Variants in PACRG observed in about 807,000 individuals in gnomAD.
PACRG encodes the protein parkin coregulated, also known as parkin coregulated gene protein.
Under a neutral mutation model 29.7 loss-of-function variants are expected in PACRG, and 29 were observed. That is an observed-to-expected ratio of 0.98 (90% CI 0.73 to 1.33). The LOEUF (loss-of-function observed/expected upper bound fraction) is 1.33. Ranked by LOEUF, PACRG falls within the 40% of genes most tolerant of loss-of-function variation. The pLI is 0.00. For synonymous variants in PACRG, 116 were observed against 118.7 expected (o/e 0.98, Z 0.15); for missense variants, 279 against 316.2 (o/e 0.88, Z 0.89).
intron 4 of PACRG, among the ~76,000 whole-genome samples, chr6:163,225,086 A>G (rs1781734722): frequency 6.6e-6 from 1 of 152,238 alleles, no homozygotes; most frequent in South Asian, 2.1e-4. Context: ...AAACAGGTAC[A>G]TGAAAAAATG....
At position 163,055,363 on chromosome 6, in the gene PACRG, C is replaced by T. The variant is rs540677423; in HGVS notation, c.292-6787C>T. Among the ~76,000 whole-genome samples the T allele has an allele frequency of 6.9e-4, 105 of 151,944 alleles. No homozygotes were observed. The South Asian group carries it at 9.6e-3, about 14-fold the overall frequency. ...ACATGCACACACACACGCACACACA[C>T]GCACACATATACACACATGCACTCA... On this transcript the variant is annotated intron_variant, in intron 2 of 4. Coordinates refer to ENST00000366888, the MANE Select transcript of PACRG (RefSeq NM_001080379.2). This position sits in a 1 kb window ranked among gnomAD's most constrained non-coding sequence, Gnocchi z 4.0.
chr6:162,880,782 A>G (rs1793767638), intron 2 of PACRG, among the ~76,000 whole-genome samples: 1 of 152,214 alleles, frequency 6.6e-6, no homozygotes, highest in Non-Finnish European at 1.5e-5. Context: ...ACCTGAAATC[A>G]TCTTCCGAGA....
chr6:162,976,346 C>A (rs1255475124), intron 2 of PACRG, among the ~76,000 whole-genome samples: 1 of 152,086 alleles, frequency 6.6e-6, no homozygotes, highest in Non-Finnish European at 1.5e-5. Context: ...AACAGTCTAG[C>A]CATTATGAGG....
At chr6:163,052,190 A>T (rs923333269) in intron 2 of PACRG, among the ~76,000 whole-genome samples, 3 of 152,136 alleles carry the variant, frequency 2.0e-5, no homozygotes, top group African/African-American at 7.2e-5. Flanking sequence ...TCTTGTAATA[A>T]CTCAATAGCT....
At chr6:163,000,940 C>A (rs760320587) in intron 2 of PACRG, among the ~76,000 whole-genome samples, 6 of 152,192 alleles carry the variant, frequency 3.9e-5, no homozygotes, top group Non-Finnish European at 7.4e-5. Flanking sequence ...CTTAGCCCAG[C>A]CTCAGATAGC....
chr6:163,279,921 A>G (rs1329639206), intron 4 of PACRG, among the ~76,000 whole-genome samples: 2 of 152,158 alleles, frequency 1.3e-5, no homozygotes, highest in African/African-American at 4.8e-5. Context: ...AAATCAACCT[A>G]GCAGGGCATC....
chr6:163,137,520 C>T (rs1816981857), intron 4 of PACRG, among the ~76,000 whole-genome samples: 1 of 152,250 alleles, frequency 6.6e-6, no homozygotes, highest in South Asian at 2.1e-4. Flanking sequence ...ATTTCCCAAG[C>T]GACAAGAACA....
chr6:163,169,968 G>A (rs763327933), intron 4 of PACRG, among the ~76,000 whole-genome samples: 19 of 152,258 alleles, frequency 1.2e-4, no homozygotes, highest in Non-Finnish European at 2.1e-4. Flanking sequence ...TCGTCCCTCC[G>A]TCTGTGTGTT....
At chr6:162,850,364 A>C (rs192785698) in intron 2 of PACRG, among the ~76,000 whole-genome samples, 1 of 152,342 alleles carries the variant, frequency 6.6e-6, no homozygotes, top group African/African-American at 2.4e-5. Context: ...TAAAATCCTT[A>C]GAATCTCCAA....
chr6:162,959,329 G>C (rs1800413899), intron 2 of PACRG, among the ~76,000 whole-genome samples: 1 of 152,000 alleles, frequency 6.6e-6, no homozygotes, highest in Admixed American at 6.6e-5. Context: ...TAACTAGAGG[G>C]GTCAGGGTGA....
At chr6:162,810,402 G>A (rs1016413128) in intron 1 of PACRG, among the ~76,000 whole-genome samples, 1 of 152,138 alleles carries the variant, frequency 6.6e-6, no homozygotes, top group African/African-American at 2.4e-5. Flanking sequence ...AAGAAAATCA[G>A]TAATGACACC....
intron 2 of PACRG, among the ~76,000 whole-genome samples, chr6:163,004,034 A>C (rs1330009809): frequency 6.6e-6 from 1 of 152,166 alleles, no homozygotes; most frequent in East Asian, 1.9e-4. Flanking sequence ...TGACCATATC[A>C]ATCTCTTTCA....
intron 2 of PACRG, among the ~76,000 whole-genome samples, chr6:162,916,563 T>G (rs549301633): frequency 3.9e-5 from 6 of 152,326 alleles, no homozygotes; most frequent in African/African-American, 1.4e-4. Flanking sequence ...TTCCTTTTTT[T>G]CCTTAACCAT....
chr6:162,803,389 T>C (rs1309576754), intron 1 of PACRG, among the ~76,000 whole-genome samples: 1 of 152,160 alleles, frequency 6.6e-6, no homozygotes, highest in Non-Finnish European at 1.5e-5. Context: ...CAAATGTCTT[T>C]GTGTAGTGTG....
intron 3 of PACRG, among the ~76,000 whole-genome samples, chr6:163,076,874 A>G (rs982777795): frequency 5.9e-5 from 9 of 152,156 alleles, no homozygotes; most frequent in African/African-American, 2.2e-4. Context: ...TCCCTCCCCG[A>G]CATAACTTTA....
chr6:163,162,807 G>T (rs1778614015), intron 4 of PACRG, among the ~76,000 whole-genome samples: 1 of 152,218 alleles, frequency 6.6e-6, no homozygotes, highest in South Asian at 2.1e-4. Context: ...CAGCCGTAAA[G>T]GCCCCAGCAA....
chr6:162,735,950 G>T (rs1051467419), intron 1 of PACRG, among the ~76,000 whole-genome samples: 4 of 152,168 alleles, frequency 2.6e-5, no homozygotes, highest in Non-Finnish European at 4.4e-5. Flanking sequence ...GAAAGCTTGG[G>T]CTCAAGAAAA....
At chr6:163,188,868 G>T (rs1053486837) in intron 4 of PACRG, among the ~76,000 whole-genome samples, 1 of 152,182 alleles carries the variant, frequency 6.6e-6, no homozygotes, top group Non-Finnish European at 1.5e-5. Flanking sequence ...ATGGGCTTAG[G>T]ATATTTCCAC....
At position 163,097,321 on chromosome 6, in the gene PACRG, G is replaced by T. The variant is rs146664838; in HGVS notation, c.613+7913G>T. ...ACCTGAAGGGATCAGACTGCCAGGA[G>T]GATACAGAGTTGCAGATAGGTTCAT... On this transcript the variant is annotated intron_variant, in intron 4 of 4. Transcript: ENST00000366888. 2.0e-5 allele frequency among the ~76,000 whole-genome samples: 3 copies of T among 152,320 alleles called. No individual in the cohort carries two copies. In the East Asian group the frequency reaches 5.8e-4, roughly 29 times the overall value.
Sources: gnomAD v4.1 joint callset for allele counts (sites outside exome capture counted in the v4.1 genomes callset) on GRCh38, gnomAD v4.1.1 for gene constraint, Gnocchi (gnomAD v3.1) non-coding constraint, MANE v1.5 for transcripts, NCBI Gene and HGNC (gene_info 2026-07-23, HGNC 2026-07-21) for gene names.